Variants in TMCO5A observed in about 807,000 individuals in gnomAD.
TMCO5A encodes the protein transmembrane and coiled-coil domain-containing protein 5A.
Under a neutral mutation model 42.3 loss-of-function variants are expected in TMCO5A, and 34 were observed. The observed-to-expected ratio is 0.80, with a 90% CI of 0.61 to 1.07. TMCO5A has a LOEUF of 1.07. Ranked by LOEUF, TMCO5A falls within the 50% of genes least tolerant of loss-of-function variation. The pLI is 0.00. For missense variants in TMCO5A, 357 were observed against 327.9 expected (o/e 1.09, Z -0.69); for synonymous variants, 131 against 115.6 (o/e 1.13, Z -0.86).
the TMCO5A span, among the ~76,000 whole-genome samples, chr15:38,033,657 C>T: frequency 2.0e-5 from 3 of 151,680 alleles, no homozygotes; most frequent in African/African-American, 4.8e-5. Context: ...GAGAGAGTCT[C>T]GCTCTGTCAC....
the TMCO5A span, among the ~76,000 whole-genome samples, chr15:38,022,564 A>G: frequency 1.3e-5 from 2 of 152,198 alleles, no homozygotes; most frequent in Non-Finnish European, 2.9e-5. Flanking sequence ...ATGATACTAT[A>G]GTGGTGGCTA....
the TMCO5A span, among the ~76,000 whole-genome samples, chr15:38,004,587 T>C: frequency 6.6e-6 from 1 of 152,212 alleles, no homozygotes; most frequent in Non-Finnish European, 1.5e-5. Context: ...GATTCTCCTC[T>C]GGCTAGGGCT....
intron 11 of TMCO5A, among the ~76,000 whole-genome samples, chr15:37,964,726 A>T (rs1890516362): frequency 6.6e-6 from 1 of 152,180 alleles, no homozygotes; most frequent in African/African-American, 2.4e-5. Context: ...GAACTTTATA[A>T]TGAAAAATGT....
the TMCO5A span, among the ~76,000 whole-genome samples, chr15:38,026,008 T>C: frequency 6.6e-6 from 1 of 152,246 alleles, no homozygotes; most frequent in Non-Finnish European, 1.5e-5. Flanking sequence ...GTAAGTCCAA[T>C]TGAACCTCTT....
chr15:37,940,885 A>G (rs945402669), intron 6 of TMCO5A, among the ~76,000 whole-genome samples: 2 of 152,132 alleles, frequency 1.3e-5, no homozygotes, highest in African/African-American at 4.8e-5. Flanking sequence ...TTTAAGAGAA[A>G]TGGCTAAGTA....
intron 10 of TMCO5A, 21 bp from the exon 11 acceptor site, chr15:37,947,632 TATC>T: frequency 6.4e-7 from 1 of 1,551,474 alleles, no homozygotes. Flanking sequence ...ATTGCTTATT[TATC>T]AATATCCTTT....
At chr15:37,999,723 G>T in the TMCO5A span, among the ~76,000 whole-genome samples, 1 of 151,942 alleles carries the variant, frequency 6.6e-6, no homozygotes, top group Non-Finnish European at 1.5e-5. Flanking sequence ...TTTTTTAAGG[G>T]TTTTTTTCAT....
At chr15:37,955,702 C>G (rs538415552), downstream of TMCO5A, among the ~76,000 whole-genome samples, 2 of 152,120 alleles carry the variant, frequency 1.3e-5, no homozygotes, top group Non-Finnish European at 2.9e-5. Flanking sequence ...AGAAAATTAA[C>G]AAGAATATCC....
chr15:37,941,552 C>T (rs1417372360), intron 7 of TMCO5A, 119 bp from the exon 8 acceptor site: 1 of 798,718 alleles, frequency 1.3e-6, no homozygotes, highest in African/African-American at 1.7e-5. Flanking sequence ...AAAAAGAAAA[C>T]ATATTTAGAA....
At chr15:37,936,180 C>A in intron 2 of TMCO5A, 134 bp from the exon 3 acceptor site, 1 of 1,020,894 alleles carries the variant, frequency 9.8e-7, no homozygotes, top group South Asian at 2.2e-5. Context: ...TGTAATTTTT[C>A]AAGAATGAAA....
At chr15:37,973,941 T>G in the TMCO5A span, among the ~76,000 whole-genome samples, 1 of 152,216 alleles carries the variant, frequency 6.6e-6, no homozygotes, top group Non-Finnish European at 1.5e-5. Flanking sequence ...GTTCCTTCAT[T>G]GCCTAGTGTA....
intron 10 of TMCO5A, among the ~76,000 whole-genome samples, chr15:37,946,828 T>C (rs966675306): frequency 6.6e-6 from 1 of 152,114 alleles, no homozygotes; most frequent in Admixed American, 6.6e-5. Flanking sequence ...TCTTTTCCTA[T>C]TTGAATAGCC....
At chr15:37,955,410 A>G (rs59038090), downstream of TMCO5A, among the ~76,000 whole-genome samples, 2,605 of 152,166 alleles carry the variant, frequency 0.017, 88 homozygotes, top group African/African-American at 0.061. Context: ...AATTCTACCA[A>G]ACATTTAAAG....
chr15:37,947,750 C>A, intron 11 of TMCO5A, 54 bp downstream of exon 11: 1 of 1,233,820 alleles, frequency 8.1e-7, no homozygotes, highest in Non-Finnish European at 1.2e-6. Context: ...CCCTATTTAG[C>A]TATTCGGGCA....
chr15:37,963,135 T>C (rs115753584), intron 11 of TMCO5A, among the ~76,000 whole-genome samples: 3,019 of 152,212 alleles, frequency 0.02, 103 homozygotes, highest in African/African-American at 0.069. Flanking sequence ...CCTTGAGGTG[T>C]GACCTTCGAA....
chr15:37,966,974 C>T (rs1258489009), exon 12 of TMCO5A: 1 of 342,694 alleles, frequency 2.9e-6, no homozygotes. Flanking sequence ...AAAAGGGATG[C>T]TGGACACGCA....
At chr15:37,949,187 T>G (rs1245648325) in intron 11 of TMCO5A, among the ~76,000 whole-genome samples, 1 of 151,884 alleles carries the variant, frequency 6.6e-6, no homozygotes, top group Non-Finnish European at 1.5e-5. Flanking sequence ...TTATAAAAAA[T>G]TATTACAAAA....
chr15:37,945,664 T>C (rs117346321), intron 10 of TMCO5A, among the ~76,000 whole-genome samples: 10,320 of 152,222 alleles, frequency 0.068, 444 homozygotes, highest in Admixed American at 0.14. Flanking sequence ...TGGCTGTATG[T>C]ATGTCTTCTT....
At chr15:37,959,841 G>A (rs1484564437) in intron 11 of TMCO5A, among the ~76,000 whole-genome samples, 1 of 151,762 alleles carries the variant, frequency 6.6e-6, no homozygotes, top group Non-Finnish European at 1.5e-5. Flanking sequence ...AATCAGAAAA[G>A]AGAAATAAAG....
Sources: gnomAD v4.1 joint callset for allele counts (sites outside exome capture counted in the v4.1 genomes callset) on GRCh38, gnomAD v4.1.1 for gene constraint, MANE v1.5 for transcripts, NCBI Gene and HGNC (gene_info 2026-07-23, HGNC 2026-07-21) for gene names.